Variants in OXNAD1 observed in about 807,000 individuals in gnomAD.
OXNAD1 encodes oxidoreductase NAD binding domain containing 1.
Under a neutral mutation model 32.9 loss-of-function variants are expected in OXNAD1, and 34 were observed. The observed-to-expected ratio is 1.03, with a 90% CI of 0.79 to 1.38. The LOEUF is 1.38. Among genes scored for constraint, OXNAD1 ranks in the 40% most tolerant of loss-of-function variants. The probability of loss-of-function intolerance (pLI) is 0.00; values close to 1 mark genes in which losing one functional copy is unlikely to be tolerated. For synonymous variants in OXNAD1, 134 were observed against 135.2 expected (o/e 0.99, Z 0.06); for missense variants, 407 against 379.4 (o/e 1.07, Z -0.60).
intron 1 of OXNAD1, among the ~76,000 whole-genome samples, chr3:16,267,315 C>A (rs2064595442): frequency 6.6e-6 from 1 of 152,238 alleles, no homozygotes; most frequent in Non-Finnish European, 1.5e-5. Flanking sequence ...CCCACAGCAA[C>A]TTGAGCAGTC....
At position 16,344,309 on chromosome 3, in the gene OXNAD1, A is replaced by AT. The variant is rs2071498057; in HGVS notation, c.*31-4865dup. On this transcript the variant is annotated intron_variant, in intron 9 of 9. Transcript: ENST00000606098. The surrounding 1 kb of genome is among the most constrained non-coding windows in gnomAD (Gnocchi z 4.4). ...GAAACCTACTCAAAAAAGAAAGTGG[A>AT]TTAGATCAGTAATTTTCAAGGTTTT... is the stretch of plus-strand genomic sequence containing the variant. Among the ~76,000 whole-genome samples, 1 of 151,318 alleles carries AT rather than the reference A, an allele frequency of 6.6e-6. No homozygotes were observed. Among genetic ancestry groups the AT allele is most frequent in the Non-Finnish European group, 1.5e-5 (1 of 67,892 alleles).
intron 9 of OXNAD1, among the ~76,000 whole-genome samples, chr3:16,318,671 T>C (rs2068702519): frequency 2.0e-5 from 3 of 152,184 alleles, no homozygotes; most frequent in African/African-American, 7.2e-5. Flanking sequence ...TCCATTAAAG[T>C]AGAGAAACAT....
rs1173458707 is a variant in OXNAD1, at chr3:16,345,824, GCGCGTGCGCGCA to G, written c.*31-3347_*31-3336del. On this transcript the variant is annotated intron_variant, in intron 9 of 9. Coordinates refer to the OXNAD1 transcript ENST00000606098. This position sits in a 1 kb window ranked among gnomAD's most constrained non-coding sequence, Gnocchi z 5.2. ...TGTGTGTGTGTGTGTGTGTGCGCGC[GCGCGTGCGCGCA>G]CGCGCACATGTGCATGTGTATGTGT... Among the ~76,000 whole-genome samples, 1,025 of 73,062 alleles carry G rather than the reference GCGCGTGCGCGCA, an allele frequency of 0.014. 13 individuals are homozygous for G. Among genetic ancestry groups the G allele is most frequent in the Middle Eastern group, 0.033 (4 of 122 alleles). 47.9% of individuals were successfully genotyped at this position (73,062 alleles called of 152,430 possible).
chr3:16,349,524 G>A (rs1424953619), exon 10 of OXNAD1: 1 of 152,192 alleles, frequency 6.6e-6, no homozygotes, highest in African/African-American at 2.4e-5. Flanking sequence ...TGAGGTATGT[G>A]AACTACGTAT....
chr3:16,335,227 G>C lies in OXNAD1; in HGVS notation c.*31-1885G>C, dbSNP rs1337320462. Among the ~76,000 whole-genome samples, 2 of 152,208 alleles carry C rather than the reference G, an allele frequency of 1.3e-5. No individual in the cohort carries two copies. The highest frequency in any genetic ancestry group is 3.2e-3 in the Middle Eastern group (1 of 316). On this transcript the variant is annotated intron_variant, in intron 9 of 9. Transcript: ENST00000435829. The surrounding 1 kb of genome is among the most constrained non-coding windows in gnomAD (Gnocchi z 4.7). ...GGGATGGGGATAAACACTTGGAGGT[G>C]CTGACAGATGCAGGGTAGGTGAAAA...
In OXNAD1 at chr3:16,298,120, C is replaced by T. The variant is rs2066927566; in HGVS notation, c.432+3123C>T. ...TAAATGTATCCTGTCACATTTTTAC[C>T]CTGCAACCTTCTGAGTCTCTCCGTC... is the stretch of plus-strand genomic sequence containing the variant. On this transcript the variant is annotated intron_variant, in intron 6 of 8. Coordinates refer to ENST00000285083, the MANE Select transcript of OXNAD1 (RefSeq NM_138381.5). This position sits in a 1 kb window ranked among gnomAD's most constrained non-coding sequence, Gnocchi z 5.1. Among the ~76,000 whole-genome samples, 1 of 152,032 alleles carries T rather than the reference C, an allele frequency of 6.6e-6. No homozygotes were observed. The highest frequency in any genetic ancestry group is 1.5e-5 in the Non-Finnish European group (1 of 68,008).
At chr3:16,331,394 T>A (rs1362457741) in intron 9 of OXNAD1, among the ~76,000 whole-genome samples, 1 of 152,250 alleles carries the variant, frequency 6.6e-6, no homozygotes, top group Non-Finnish European at 1.5e-5. Context: ...ATGGTTATTT[T>A]GTAATTTAAA....
chr3:16,327,586 C>T lies in OXNAD1; in HGVS notation c.*31-9526C>T, dbSNP rs900307260. On this transcript the variant is annotated intron_variant, in intron 9 of 9. Coordinates refer to the OXNAD1 transcript ENST00000435829. This position sits in a 1 kb window ranked among gnomAD's most constrained non-coding sequence, Gnocchi z 4.2. ...CATCCTGGCTAACACAGTGAAACCC[C>T]GTCTCTACTAAAAATACAAAAAAAA... Among the ~76,000 whole-genome samples, 2 of 151,960 alleles carry T rather than the reference C, an allele frequency of 1.3e-5. No homozygotes were observed. Among genetic ancestry groups the T allele is most frequent in the Non-Finnish European group, 2.9e-5 (2 of 67,966 alleles).
At chr3:16,323,288 G>T in intron 9 of OXNAD1, 1 of 952,888 alleles carries the variant, frequency 1.0e-6, no homozygotes, top group Non-Finnish European at 1.6e-6. Context: ...GGAAGCTGGA[G>T]CAGGCTGCCC....
rs748045003 is a variant in OXNAD1 at position 16,316,954 on chromosome 3, C to A, written c.*30+13362C>A. The A allele has an allele frequency of 1.2e-6, 2 of 1,614,072 alleles. No homozygotes were observed. The highest frequency in any genetic ancestry group is 4.5e-5 in the East Asian group (2 of 44,836). ...CCCTGCTGTGGCTGGCAGGACCATT[C>A]TGCACAGCCTCACCCTCCACACCCA... On this transcript the variant is annotated intron_variant, in intron 9 of 9. Coordinates refer to the OXNAD1 transcript ENST00000435829. This position sits in a 1 kb window ranked among gnomAD's most constrained non-coding sequence, Gnocchi z 4.5.
rs1473977740 is a variant in OXNAD1 at position 16,346,866 on chromosome 3, G to A, written c.*31-2310G>A. 2.6e-5 allele frequency among the ~76,000 whole-genome samples: 4 copies of A among 152,112 alleles called. No homozygotes were observed. The highest frequency in any genetic ancestry group is 9.7e-5 in the African/African-American group (4 of 41,408). ...AGGCTGAGGATGAGTACAGAAAGAT[G>A]GCAACATCTGGATCCCTGGTGGCAT... On this transcript the variant is annotated intron_variant, in intron 9 of 9. Transcript: ENST00000606098. The surrounding 1 kb of genome is among the most constrained non-coding windows in gnomAD (Gnocchi z 4.4).
At position 16,327,354 on chromosome 3, in the gene OXNAD1, G is replaced by A. The variant is rs910030326; in HGVS notation, c.*31-9758G>A. On this transcript the variant is annotated intron_variant, in intron 9 of 9. Coordinates refer to the OXNAD1 transcript ENST00000435829. This position sits in a 1 kb window ranked among gnomAD's most constrained non-coding sequence, Gnocchi z 4.2. ...TGCACATCCACATGTGTGTGTACAC[G>A]CAGAAGCTGCTTTGCCTGTGTTATG... Among the ~76,000 whole-genome samples the A allele has an allele frequency of 4.6e-5, 7 of 152,182 alleles. No individual in the cohort carries two copies. The highest frequency in any genetic ancestry group is 1.2e-4 in the African/African-American group (5 of 41,458).
rs1446507476 is a variant in OXNAD1 at position 16,284,890 on chromosome 3, CTTTGAATTGCAAATGGCA to C, written c.184-1449_184-1432del. On this transcript the variant is annotated intron_variant, in intron 4 of 8. Coordinates refer to ENST00000285083, the MANE Select transcript of OXNAD1 (RefSeq NM_138381.5). The surrounding 1 kb of genome is among the most constrained non-coding windows in gnomAD (Gnocchi z 4.1). ...CTTACTTTATTTTGTTGCTGAATTG[CTTTGAATTGCAAATGGCA>C]TTAGATGTAATCTTTGATGAAACAG... Among the ~76,000 whole-genome samples the C allele has an allele frequency of 6.6e-6, 1 of 152,170 alleles. No individual in the cohort carries two copies. Among genetic ancestry groups the C allele is most frequent in the Non-Finnish European group, 1.5e-5 (1 of 68,034 alleles).
At chr3:16,310,466 A>G (rs1469176559), downstream of OXNAD1, among the ~76,000 whole-genome samples, 1 of 152,198 alleles carries the variant, frequency 6.6e-6, no homozygotes, top group Non-Finnish European at 1.5e-5. Flanking sequence ...AAAAATCCAA[A>G]TCCAAACTGA....
At chr3:16,324,555 T>C (rs1043627506) in intron 9 of OXNAD1, among the ~76,000 whole-genome samples, 23 of 151,740 alleles carry the variant, frequency 1.5e-4, no homozygotes, top group African/African-American at 5.6e-4. Context: ...CCTGGTTTAT[T>C]TCACTTAGCA....
intron 9 of OXNAD1, chr3:16,313,538 C>T (rs1193500135): frequency 2.0e-5 from 3 of 152,182 alleles, no homozygotes; most frequent in African/African-American, 7.2e-5. Flanking sequence ...CATTGATTAC[C>T]TATCAGCATG....
At chr3:16,323,898 G>T (rs1441952237) in intron 9 of OXNAD1, among the ~76,000 whole-genome samples, 1 of 152,194 alleles carries the variant, frequency 6.6e-6, no homozygotes, top group Admixed American at 6.5e-5. Context: ...TGCATCCAGG[G>T]TCTCAGCCAT....
Position 16,301,991 on chromosome 3 carries a change from T to G in OXNAD1, c.675+123T>G. On this transcript the variant is annotated intron_variant, in intron 7 of 8. Coordinates refer to ENST00000285083, the MANE Select transcript of OXNAD1 (RefSeq NM_138381.5). The surrounding 1 kb of genome is among the most constrained non-coding windows in gnomAD (Gnocchi z 4.1). ...AAACAAAAGGCTTGGCAAGATTTAA[T>G]CATGCTTAAATGAGAACTAACCAAC... The G allele has an allele frequency of 7.7e-7, 1 of 1,301,136 alleles. No individual in the cohort carries two copies. Among genetic ancestry groups the G allele is most frequent in the Non-Finnish European group, 1.0e-6 (1 of 956,922 alleles). 80.6% of individuals were successfully genotyped at this position (1,301,136 alleles called of 1,614,324 possible).
chr3:16,324,343 T>C (rs1281689682), intron 9 of OXNAD1, among the ~76,000 whole-genome samples: 1 of 152,208 alleles, frequency 6.6e-6, no homozygotes, highest in Admixed American at 6.5e-5. Context: ...CATTATTGTT[T>C]ATAATAGTCA....
Sources: gnomAD v4.1 joint callset for allele counts (sites outside exome capture counted in the v4.1 genomes callset) on GRCh38, gnomAD v4.1.1 for gene constraint, Gnocchi (gnomAD v3.1) non-coding constraint, MANE v1.5 for transcripts, NCBI Gene and HGNC (gene_info 2026-07-23, HGNC 2026-07-21) for gene names.